The following DLC1 variants were observed in gnomAD, a reference collection of about 807,000 sequenced individuals.
DLC1 encodes DLC1 Rho GTPase activating protein, also known as rho GTPase-activating protein 7.
DLC1 carries 54 observed loss-of-function variants against 140.3 expected under a neutral mutation model. That is an observed-to-expected ratio of 0.38 (90% CI 0.31 to 0.48). The LOEUF (loss-of-function observed/expected upper bound fraction) is 0.48. DLC1 is among the 20% of genes least tolerant of loss of function. The pLI, the probability that DLC1 is intolerant of heterozygous loss-of-function variation, is 0.96. For missense variants in DLC1, 2,536 were observed against 1,907.0 expected (o/e 1.33, Z -6.14); for synonymous variants, 986 against 728.1 (o/e 1.35, Z -5.70).
At chr8:13,453,543 T>TATATATGTATATATATAC (rs1799249352) in intron 2 of DLC1, among the ~76,000 whole-genome samples, 1 of 42,602 alleles carries the variant, frequency 2.3e-5, no homozygotes, top group South Asian at 7.5e-4. Flanking sequence ...TATATACATA[T>TATATATGTATATATATAC]ATATATATAT....
intron 5 of DLC1, among the ~76,000 whole-genome samples, chr8:13,298,928 G>T (rs1340734285): frequency 1.3e-5 from 2 of 152,172 alleles, no homozygotes; most frequent in Non-Finnish European, 2.9e-5. Context: ...TGCATGGGCT[G>T]CTATGTAGCC....
intron 4 of DLC1, among the ~76,000 whole-genome samples, chr8:13,314,231 AT>A (rs1832783164): frequency 6.8e-6 from 1 of 147,680 alleles, no homozygotes; most frequent in Non-Finnish European, 1.5e-5. Context: ...TATATTACAC[AT>A]ATATTTATAA....
intron 5 of DLC1, among the ~76,000 whole-genome samples, chr8:13,173,981 C>A (rs1825630211): frequency 6.6e-6 from 1 of 152,038 alleles, no homozygotes; most frequent in Non-Finnish European, 1.5e-5. Context: ...AACATAGTAT[C>A]CAATAGGTCA....
At chr8:13,189,363 A>G (rs564097920) in intron 5 of DLC1, among the ~76,000 whole-genome samples, 1 of 152,310 alleles carries the variant, frequency 6.6e-6, no homozygotes, top group South Asian at 2.1e-4. Flanking sequence ...CTGTAATCCC[A>G]GCACTTTGGA....
At chr8:13,228,187 G>A (rs183985020) in intron 5 of DLC1, among the ~76,000 whole-genome samples, 303 of 152,184 alleles carry the variant, frequency 2.0e-3, no homozygotes, top group African/African-American at 6.7e-3. Context: ...ATTCTTATTA[G>A]GGGATTTTTT....
At chr8:13,305,618 G>A (rs190147175) in intron 4 of DLC1, among the ~76,000 whole-genome samples, 98 of 152,190 alleles carry the variant, frequency 6.4e-4, no homozygotes, top group Middle Eastern at 3.4e-3. Context: ...CAGGCGGATC[G>A]TTGAGCCCAG....
At chr8:13,558,040 C>G (rs926336213) in intron 1 of DLC1, 2 of 152,142 alleles carry the variant, frequency 1.3e-5, no homozygotes, top group Non-Finnish European at 2.9e-5. Flanking sequence ...AGCTCTGATT[C>G]ATGAGTGACA....
chr8:13,316,819 C>G (rs1368669599), intron 4 of DLC1, among the ~76,000 whole-genome samples: 1 of 152,144 alleles, frequency 6.6e-6, no homozygotes, highest in African/African-American at 2.4e-5. Context: ...TGCAGTATCC[C>G]TTGTGTTTCT....
At chr8:13,509,241 C>T (rs987500378) in intron 1 of DLC1, among the ~76,000 whole-genome samples, 2 of 152,176 alleles carry the variant, frequency 1.3e-5, no homozygotes, top group African/African-American at 4.8e-5. Context: ...AATCACTCCG[C>T]GTAAATAACA....
At chr8:13,488,405 C>T (rs1801069329) in intron 2 of DLC1, among the ~76,000 whole-genome samples, 1 of 152,314 alleles carries the variant, frequency 6.6e-6, no homozygotes, top group Non-Finnish European at 1.5e-5. Flanking sequence ...AAGCCAGCAT[C>T]ATTTTCAGGA....
rs534026672 is a variant in DLC1, at chr8:13,168,610, T to C, written c.1349-52953A>G. Among the ~76,000 whole-genome samples, 7 of 152,324 alleles carry C rather than the reference T, an allele frequency of 4.6e-5. 1 individual carries two copies. In the South Asian group the frequency reaches 1.0e-3, roughly 23 times the overall value. On this transcript the variant is annotated intron_variant, in intron 5 of 17. Transcript: ENST00000276297. ...TCAGAGGAAAGGAAAAGACACAGTA[T>C]CTTTTGTCTTTTGTTCTGAGATGGA...
In DLC1 at chr8:13,342,207, C is replaced by T. The variant is rs368620564; in HGVS notation, c.1315-36905G>A. The T allele has an allele frequency of 2.6e-5, 4 of 152,200 alleles. No individual in the cohort carries two copies. The South Asian group carries it at 8.3e-4, about 31-fold the overall frequency. The allele number at this position is 152,200 out of a possible 1,614,324, so 9.4% of individuals were successfully genotyped here. A position where few individuals can be genotyped will look rare whatever the true frequency, so the allele number is the denominator to read the frequency against. ...ACTACATGACAGGTAATAGGAACTA[C>T]TTTATTTACAAACTATTCAATGCTT... On this transcript the variant is annotated intron_variant, in intron 4 of 17. Coordinates refer to ENST00000276297, the MANE Select transcript of DLC1 (RefSeq NM_182643.3).
intron 5 of DLC1, among the ~76,000 whole-genome samples, chr8:13,149,735 C>A (rs991282607): frequency 2.0e-5 from 3 of 152,212 alleles, no homozygotes; most frequent in Admixed American, 2.0e-4. Flanking sequence ...GGAAGAACAT[C>A]TGTACCTAAG....
intron 5 of DLC1, among the ~76,000 whole-genome samples, chr8:13,224,724 C>T (rs1828709450): frequency 6.6e-6 from 1 of 152,172 alleles, no homozygotes; most frequent in South Asian, 2.1e-4. Flanking sequence ...TAGCACAGGA[C>T]AGTGTGCACA....
At chr8:13,421,645 T>G (rs1207567303) in intron 2 of DLC1, among the ~76,000 whole-genome samples, 1 of 152,198 alleles carries the variant, frequency 6.6e-6, no homozygotes, top group Non-Finnish European at 1.5e-5. Flanking sequence ...CAAAAACGTC[T>G]TTGTGGTATA....
chr8:13,582,285 A>G (rs1805131412), intron 1 of DLC1, among the ~76,000 whole-genome samples: 1 of 152,208 alleles, frequency 6.6e-6, no homozygotes, highest in South Asian at 2.1e-4. Flanking sequence ...ACACCAGTAT[A>G]CTAATATGGT....
At chr8:13,380,390 A>G (rs1422125542) in intron 4 of DLC1, among the ~76,000 whole-genome samples, 1 of 152,188 alleles carries the variant, frequency 6.6e-6, no homozygotes, top group African/African-American at 2.4e-5. Flanking sequence ...ATGTCGTCTG[A>G]CCATTTCATG....
chr8:13,181,692 T>C (rs1444089516), intron 5 of DLC1, among the ~76,000 whole-genome samples: 2 of 148,050 alleles, frequency 1.4e-5, no homozygotes, highest in African/African-American at 2.6e-5. Flanking sequence ...CTGCGTAGTA[T>C]TCCATGGTAT....
intron 3 of DLC1, 146 bp from the exon 4 acceptor site, chr8:13,393,839 C>T: frequency 1.1e-6 from 1 of 912,014 alleles, no homozygotes; most frequent in South Asian, 1.7e-5. Context: ...AGTGACGTGT[C>T]ACACATAATC....
Sources: gnomAD v4.1 joint callset for allele counts (sites outside exome capture counted in the v4.1 genomes callset) on GRCh38, gnomAD v4.1.1 for gene constraint, MANE v1.5 for transcripts, NCBI Gene and HGNC (gene_info 2026-07-23, HGNC 2026-07-21) for gene names.